Variants in ANO2 observed in about 807,000 individuals in gnomAD.
ANO2 encodes anoctamin-2.
Under a neutral mutation model 124.2 loss-of-function variants are expected in ANO2, and 101 were observed. The ratio of observed to expected loss-of-function variants is 0.81; its 90% CI spans 0.69 to 0.96. The LOEUF is 0.96. Among genes scored for constraint, ANO2 ranks in the 40% least tolerant of loss-of-function variants. The pLI is 0.00. For synonymous variants in ANO2, 486 were observed against 482.5 expected, an observed-to-expected ratio of 1.01 and a Z score of -0.09; for missense variants, 1,293 against 1,274.5, an observed-to-expected ratio of 1.01 and a Z score of -0.22.
chr12:5,937,262 T>C (rs1227937782), intron 1 of ANO2, among the ~76,000 whole-genome samples: 1 of 152,236 alleles, frequency 6.6e-6, no homozygotes, highest in Non-Finnish European at 1.5e-5. Flanking sequence ...CTAACAGGTA[T>C]GCGATGATAT....
At chr12:5,672,579 TCG>T (rs1491496282) in intron 14 of ANO2, among the ~76,000 whole-genome samples, 85 of 148,954 alleles carry the variant, frequency 5.7e-4, no homozygotes, top group Non-Finnish European at 4.6e-4. Flanking sequence ...GGCAGTCAGC[TCG>T]TGTGTGTGTG....
chr12:5,727,185 G>A (rs1002590533), intron 14 of ANO2, among the ~76,000 whole-genome samples: 24 of 152,192 alleles, frequency 1.6e-4, no homozygotes, highest in Admixed American at 3.9e-4. Context: ...ATGGCTTGGT[G>A]CTGTCTTTGC....
intron 14 of ANO2, among the ~76,000 whole-genome samples, chr12:5,683,304 G>A (rs935463116): frequency 6.6e-6 from 1 of 152,126 alleles, no homozygotes; most frequent in African/African-American, 2.4e-5. Context: ...AAAGATTGAC[G>A]TGTCTCTCTC....
intron 14 of ANO2, among the ~76,000 whole-genome samples, chr12:5,709,806 A>T (rs544346240): frequency 6.6e-6 from 1 of 152,320 alleles, no homozygotes; most frequent in East Asian, 1.9e-4. Context: ...GCTGTTCTGT[A>T]AGGACAGAGC....
chr12:5,629,920 G>A (rs1386001059), intron 16 of ANO2, among the ~76,000 whole-genome samples: 12 of 152,172 alleles, frequency 7.9e-5, no homozygotes, highest in African/African-American at 2.9e-4. Context: ...TTGCATCTAC[G>A]CTCCTGAGTA....
intron 14 of ANO2, among the ~76,000 whole-genome samples, chr12:5,722,433 G>A (rs1950268675): frequency 6.6e-6 from 1 of 152,148 alleles, no homozygotes; most frequent in African/African-American, 2.4e-5. Context: ...CGTGAACCTG[G>A]GAGGCAGAAC....
chr12:5,851,425 C>T (rs185298529), intron 4 of ANO2, among the ~76,000 whole-genome samples: 21 of 152,022 alleles, frequency 1.4e-4, no homozygotes, highest in Admixed American at 7.9e-4. Flanking sequence ...TGGTGGCTCA[C>T]GCTTGTAATC....
chr12:5,593,182 T>A (rs1464339797), intron 20 of ANO2, among the ~76,000 whole-genome samples: 2 of 152,244 alleles, frequency 1.3e-5, no homozygotes, highest in East Asian at 3.8e-4. Context: ...CTCTCATGAC[T>A]GTGTGAATGA....
chr12:5,829,175 A>G (rs1198722475), intron 6 of ANO2, among the ~76,000 whole-genome samples: 2 of 152,176 alleles, frequency 1.3e-5, no homozygotes, highest in Non-Finnish European at 2.9e-5. Flanking sequence ...CAACAGCAAT[A>G]ATAATTAGGA....
chr12:5,914,214 G>A (rs11610674), intron 3 of ANO2, among the ~76,000 whole-genome samples: 34,100 of 123,050 alleles, frequency 0.28, 4,215 homozygotes, highest in Middle Eastern at 0.39. Context: ...AAGAAAAAAA[G>A]AAAAAAGAAA....
At position 5,880,773 on chromosome 12, in the gene ANO2, C is replaced by A. The variant is rs147300480; in HGVS notation, c.535-26632G>T. ...AATGATGGGTGAATGGATGAAAGGA[C>A]AGATGGATGAAGAGATGGATAGGTG... On this transcript the variant is annotated intron_variant, in intron 3 of 24. Transcript: ENST00000682330. 5.7e-4 allele frequency among the ~76,000 whole-genome samples: 81 copies of A among 141,196 alleles called. No homozygotes were observed. In the East Asian group the frequency reaches 0.017, roughly 30 times the overall value. The allele number at this position is 141,196 out of a possible 152,430, so 92.6% of individuals were successfully genotyped here.
In ANO2 at chr12:5,732,891, C is replaced by T. The variant is rs375217732; in HGVS notation, c.1435-261G>A. ...CTGGGCACGTTCCTGGGGATAGCGC[C>T]GGTGTTGAGAAAAAGAGAGGAAATG... On this transcript the variant is annotated intron_variant, in intron 13 of 24. Transcript: ENST00000682330. The T allele has an allele frequency of 9.1e-5, 147 of 1,613,716 alleles. No individual in the cohort carries two copies. The highest frequency in any genetic ancestry group is 1.1e-4 in the Non-Finnish European group (130 of 1,179,832).
In ANO2 at chr12:5,904,214, G is replaced by A. The variant is rs919001134; in HGVS notation, c.534+16826C>T. Among the ~76,000 whole-genome samples, 2 of 152,174 alleles carry A rather than the reference G, an allele frequency of 1.3e-5. No homozygotes were observed. Among genetic ancestry groups the A allele is most frequent in the African/African-American group, 2.4e-5 (1 of 41,442 alleles). On this transcript the variant is annotated intron_variant, in intron 3 of 24. Transcript: ENST00000682330. The surrounding 1 kb of genome is among the most constrained non-coding windows in gnomAD (Gnocchi z 4.1). The stretch of plus-strand genomic sequence containing the variant: ...CTTATGGAAGCTGTAGTAAAGAAGG[G>A]GGGACTCCCATCTGGGACCATGGTC...
chr12:5,709,045 G>C (rs1949715903), intron 14 of ANO2, among the ~76,000 whole-genome samples: 1 of 152,188 alleles, frequency 6.6e-6, no homozygotes. Context: ...GCACATAGTA[G>C]GTGCTCAATA....
intron 9 of ANO2, among the ~76,000 whole-genome samples, chr12:5,800,600 A>G (rs1225714708): frequency 6.6e-6 from 1 of 152,204 alleles, no homozygotes; most frequent in Non-Finnish European, 1.5e-5. Context: ...AGCCTGTAAG[A>G]TTTACTGCTG....
At chr12:5,880,533 A>T (rs376623303) in intron 3 of ANO2, among the ~76,000 whole-genome samples, 1 of 152,100 alleles carries the variant, frequency 6.6e-6, no homozygotes, top group Non-Finnish European at 1.5e-5. Context: ...AAGCCCATAG[A>T]GGCAGAGGAG....
In ANO2 at chr12:5,635,361, CAGAG is replaced by C. The variant is rs1945959897; in HGVS notation, c.1621-18_1621-15del. ...TGTCAGGGCAATCTGTTTGGGAAAA[CAGAG>C]AGAAGTACACATCAGCCGGCAATTA... On this transcript the variant is annotated splice_polypyrimidine_tract_variant and intron_variant, in intron 15 of 24. Transcript: ENST00000682330. The surrounding 1 kb of genome is among the most constrained non-coding windows in gnomAD (Gnocchi z 5.2). 3.2e-6 allele frequency: 5 copies of C among 1,543,400 alleles called. No individual in the cohort carries two copies. The South Asian group carries it at 6.4e-5, about 20-fold the overall frequency.
chr12:5,901,393 G>C (rs966336755), intron 3 of ANO2, among the ~76,000 whole-genome samples: 1 of 152,194 alleles, frequency 6.6e-6, no homozygotes, highest in Non-Finnish European at 1.5e-5. Context: ...ACAAGCAGCT[G>C]TTCTTTGCCT....
Position 5,635,342 on chromosome 12 carries a change from G to T in ANO2, c.1626C>A (p.Ala542=). 1.9e-6 allele frequency: 3 copies of T among 1,561,268 alleles called. No individual in the cohort carries two copies. Among genetic ancestry groups the T allele is most frequent in the Non-Finnish European group, 2.6e-6 (3 of 1,158,108 alleles). ...MNFASILFMI[A]LTFSIVFGVI... Reference sequence around the variant, plus strand: ...CCCCAAAGACGATTGAGAATGTCAGGGCAATCTGTTTGGGAAAACAGAGAG... The same window carrying T: ...CCCCAAAGACGATTGAGAATGTCAGTGCAATCTGTTTGGGAAAACAGAGAG... Residue 542 remains alanine, a synonymous_variant, in exon 16 of 25, where the codon GCC becomes GCA. Coordinates refer to ENST00000682330, the MANE Select transcript of ANO2 (RefSeq NM_001364791.2). The surrounding 1 kb of genome is among the most constrained non-coding windows in gnomAD (Gnocchi z 5.2).
Sources: allele counts gnomAD v4.1 joint callset (sites outside exome capture counted in the v4.1 genomes callset), GRCh38; gene constraint gnomAD v4.1.1; non-coding constraint Gnocchi (gnomAD v3.1); transcripts MANE v1.5; gene names NCBI Gene and HGNC (gene_info 2026-07-23, HGNC 2026-07-21).